The following ZDBF2 variants were observed in gnomAD, a reference collection of about 807,000 sequenced individuals.
The protein encoded by ZDBF2 is DBF4-type zinc finger-containing protein 2.
In ZDBF2, 6 loss-of-function variants were observed where a neutral mutation model predicts 9.4. That is an observed-to-expected ratio of 0.64 (90% CI 0.35 to 1.27). The LOEUF is 1.27. Ranked by LOEUF, ZDBF2 falls within the 50% of genes most tolerant of loss-of-function variation. ZDBF2 has a pLI of 0.03. For missense variants in ZDBF2, 2,697 were observed against 2,766.8 expected, an observed-to-expected ratio of 0.97 and a Z score of 0.57; for synonymous variants, 905 against 946.3, an observed-to-expected ratio of 0.96 and a Z score of 0.80.
intron 4 of ZDBF2, among the ~76,000 whole-genome samples, chr2:206,302,842 C>G (rs750179222): frequency 3.9e-5 from 6 of 151,990 alleles, no homozygotes; most frequent in Non-Finnish European, 8.8e-5. Context: ...TATGCATGTT[C>G]TCTTAGACAA....
In ZDBF2 at chr2:206,297,299, A is replaced by T; in HGVS notation, c.114A>T (p.Ile38=). ...RSLTRQSRRQ[I]CTSSLMERFL... ...TGACCAGACAGAGTAGACGTCAAAT[A>T]TGTACCAGTAGTTTGATGGAACGTT... Residue 38 remains isoleucine (I), a synonymous_variant, in exon 4 of 5, where the codon ATA becomes ATT. Coordinates refer to ENST00000374423, the MANE Select transcript of ZDBF2 (RefSeq NM_020923.3). 6.2e-7 allele frequency: 1 copy of T among 1,607,256 alleles called. No homozygotes were observed.
At position 206,305,504 on chromosome 2, in the gene ZDBF2, A is replaced by G. The variant is rs936154296; in HGVS notation, c.976A>G (p.Ile326Val). 1.9e-6 allele frequency: 3 copies of G among 1,613,332 alleles called. No individual in the cohort carries two copies. The highest frequency in any genetic ancestry group is 1.7e-4 in the Middle Eastern group (1 of 6,060). Residue 326 changes from isoleucine to valine, a missense_variant, in exon 5 of 5, where the codon ATT becomes GTT. By Grantham distance (29) the Ile-to-Val change is conservative (BLOSUM62 3). Transcript: ENST00000374423. ...TAATAAAGGAATCTTTGAAGATACT[A>G]TTGCAAAGAACCATGAGGAATTCTT... ...PSNKGIFEDT[I>V]AKNHEEFFSN...
rs1692914234 is a variant in ZDBF2 at position 206,308,022 on chromosome 2, G to A, written c.3494G>A (p.Gly1165Asp). ...YSCSEMNLDS[G>D]FLGQSIVNRP... ...TGTTCAGAAATGAATTTGGATTCTG[G>A]TTTCTTGGGTCAGTCAATAGTCAAT... is the stretch of plus-strand genomic sequence containing the variant. Residue 1165 changes from glycine (G) to aspartate (D), a missense_variant, in exon 5 of 5, where the codon GGT becomes GAT. Physicochemically the swap from Gly to Asp is moderately conservative, Grantham distance 94. Around this residue, in one of 3 missense-constraint regions of ZDBF2, gnomAD observed 1,783 missense variants for 1,776.5 expected, o/e 1.00. Transcript: ENST00000374423. 1 of 1,613,872 alleles carries A rather than the reference G, an allele frequency of 6.2e-7. No homozygotes were observed. Among genetic ancestry groups the A allele is most frequent in the South Asian group, 1.1e-5 (1 of 91,064 alleles).
chr2:206,283,638 T>A (rs1017617049), intron 3 of ZDBF2, among the ~76,000 whole-genome samples: 1 of 152,160 alleles, frequency 6.6e-6, no homozygotes, highest in African/African-American at 2.4e-5. Context: ...TTACAAATAC[T>A]TTCTCCATTC....
At chr2:206,300,476 C>T (rs1190438591) in intron 4 of ZDBF2, among the ~76,000 whole-genome samples, 3 of 152,068 alleles carry the variant, frequency 2.0e-5, no homozygotes, top group African/African-American at 7.2e-5. Flanking sequence ...TATGATTAAA[C>T]TTCGGTTATG....
chr2:206,283,358 G>T (rs145173826), intron 3 of ZDBF2, among the ~76,000 whole-genome samples: 52 of 152,040 alleles, frequency 3.4e-4, no homozygotes, highest in African/African-American at 1.2e-3. Flanking sequence ...CCACGTTCTT[G>T]TCAGCACTTG....
intron 2 of ZDBF2, among the ~76,000 whole-genome samples, chr2:206,281,053 G>C (rs1691290022): frequency 6.6e-6 from 1 of 152,136 alleles, no homozygotes; most frequent in Non-Finnish European, 1.5e-5. Context: ...TAAAAATTCT[G>C]AATCCTAGGC....
chr2:206,307,449 T>C lies in ZDBF2; in HGVS notation c.2921T>C (p.Ile974Thr), dbSNP rs1368812052. The C allele has an allele frequency of 6.8e-6, 11 of 1,611,880 alleles. No individual in the cohort carries two copies. Among genetic ancestry groups the C allele is most frequent in the African/African-American group, 1.3e-5 (1 of 74,768 alleles). The change falls in exon 5 of 5, where the codon ATT becomes ACT. Residue 974 changes from isoleucine (I) to threonine (T), a missense_variant. Transcript: ENST00000374423. Reference protein sequence around the residue: ...LQAATHKPEVIVKETWLQREK... With the variant: ...LQAATHKPEVTVKETWLQREK... Reference sequence around the variant, plus strand: ...GCAGCGACTCACAAACCTGAAGTAATTGTCAAAGAAACATGGCTTCAAAGA... The same window carrying C: ...GCAGCGACTCACAAACCTGAAGTAACTGTCAAAGAAACATGGCTTCAAAGA...
chr2:206,303,733 G>C lies in ZDBF2; in HGVS notation c.189-984G>C, dbSNP rs199907755. Among the ~76,000 whole-genome samples, 6 of 152,202 alleles carry C rather than the reference G, an allele frequency of 3.9e-5. No individual in the cohort carries two copies. In the East Asian group the frequency reaches 1.2e-3, roughly 29 times the overall value. ...CTAGAGGTAACACTTGACACCTCTAGACTTCTACAGTTGTATGTGCCATTC... is the reference window on the plus strand; with the variant it reads ...CTAGAGGTAACACTTGACACCTCTACACTTCTACAGTTGTATGTGCCATTC... On this transcript the variant is annotated intron_variant, in intron 4 of 4. Coordinates refer to ENST00000374423, the MANE Select transcript of ZDBF2 (RefSeq NM_020923.3).
At chr2:206,296,200 GA>G (rs1295401630) in intron 3 of ZDBF2, among the ~76,000 whole-genome samples, 1 of 152,104 alleles carries the variant, frequency 6.6e-6, no homozygotes, top group Non-Finnish European at 1.5e-5. Context: ...GATGTGGCTC[GA>G]AAATATTAAA....
Position 206,309,438 on chromosome 2 carries a change from C to T in ZDBF2, c.4910C>T (p.Thr1637Ile). 6.2e-7 allele frequency: 1 copy of T among 1,613,760 alleles called. No homozygotes were observed. Among genetic ancestry groups the T allele is most frequent in the Non-Finnish European group, 8.5e-7 (1 of 1,179,834 alleles). The part of the protein sequence containing the change: ...FNVDASDQSM[T>I]YESQGPDEKM... ...GTTGATGCCTCTGATCAGTCCATGA[C>T]TTACGAGTCACAAGGACCTGATGAG... is the stretch of plus-strand genomic sequence containing the variant. The change falls in exon 5 of 5, where the codon ACT (threonine) becomes ATT (isoleucine). Residue 1637 changes from threonine to isoleucine, a missense_variant. Physicochemically the swap from Thr to Ile is moderately conservative, Grantham distance 89. Transcript: ENST00000374423.
rs1181517907 is a variant in ZDBF2 at position 206,309,233 on chromosome 2, G to T, written c.4705G>T (p.Asp1569Tyr). The T allele has an allele frequency of 1.2e-6, 2 of 1,606,532 alleles. No individual in the cohort carries two copies. Among genetic ancestry groups the T allele is most frequent in the Admixed American group, 1.7e-5 (1 of 58,666 alleles). ...CAGCTGTATAAATACAGAATGTATT[G>T]ATATAGAAGATAAGAGCTGTGACTT... ...DISCINTECI[D>Y]IEDKSCDFFG... is the part of the protein sequence containing the mutation. The change falls in exon 5 of 5, where the codon GAT (aspartate) becomes TAT (tyrosine). Residue 1569 changes from aspartate to tyrosine, a missense_variant. Around this residue, in one of 3 missense-constraint regions of ZDBF2, gnomAD observed 1,783 missense variants for 1,776.5 expected, o/e 1.00. Coordinates refer to ENST00000374423, the MANE Select transcript of ZDBF2 (RefSeq NM_020923.3).
chr2:206,305,952 A>G lies in ZDBF2; in HGVS notation c.1424A>G (p.Gln475Arg). The part of the protein sequence containing the change: ...SQMIVKEISL[Q>R]NARHISLVDQ... ...ATGATTGTTAAAGAAATAAGTCTTC[A>G]GAATGCAAGGCATATTAGCCTGGTT... The change falls in exon 5 of 5, where the codon CAG (glutamine) becomes CGG (arginine). Residue 475 changes from glutamine (Q) to arginine (R), a missense_variant. This residue lies in a region of ZDBF2 where 910 missense variants were observed against 973.6 expected (regional missense o/e 0.93). Transcript: ENST00000374423. The G allele has an allele frequency of 6.2e-7, 1 of 1,613,456 alleles. No homozygotes were observed. Among genetic ancestry groups the G allele is most frequent in the Non-Finnish European group, 8.5e-7 (1 of 1,179,650 alleles).
At chr2:206,277,271 G>A (rs1464884039) in intron 1 of ZDBF2, among the ~76,000 whole-genome samples, 1 of 151,216 alleles carries the variant, frequency 6.6e-6, no homozygotes, top group East Asian at 1.9e-4. Flanking sequence ...GTTTACCTCT[G>A]CAGCTGGTGC....
At chr2:206,301,542 G>T (rs2105940285) in intron 4 of ZDBF2, among the ~76,000 whole-genome samples, 1 of 151,944 alleles carries the variant, frequency 6.6e-6, no homozygotes, top group African/African-American at 2.4e-5. Flanking sequence ...TTGTATTTGT[G>T]TATATGTGTG....
At chr2:206,296,073 A>G (rs1270972612) in intron 3 of ZDBF2, among the ~76,000 whole-genome samples, 1 of 152,220 alleles carries the variant, frequency 6.6e-6, no homozygotes, top group Non-Finnish European at 1.5e-5. Context: ...GAAAAATATA[A>G]GAATTTATAA....
In ZDBF2 at chr2:206,305,637, C is replaced by G. The variant is rs778584044; in HGVS notation, c.1109C>G (p.Ser370Cys). 6.2e-7 allele frequency: 1 copy of G among 1,613,576 alleles called. No homozygotes were observed. Among genetic ancestry groups the G allele is most frequent in the Non-Finnish European group, 8.5e-7 (1 of 1,179,800 alleles). The change falls in exon 5 of 5, where the codon TCT (serine) becomes TGT (cysteine). Residue 370 changes from serine (S) to cysteine (C), a missense_variant. By Grantham distance (112) the Ser-to-Cys change is moderately radical. Coordinates refer to ENST00000374423, the MANE Select transcript of ZDBF2 (RefSeq NM_020923.3). ...VSSEMKFDCI[S>C]LQSASDQPQE... ...TCTGAAATGAAGTTTGATTGTATCT[C>G]TCTTCAGTCAGCATCTGATCAGCCC... is the stretch of plus-strand genomic sequence containing the variant.
At chr2:206,277,766 A>G (rs115001599) in intron 1 of ZDBF2, among the ~76,000 whole-genome samples, 2,494 of 151,746 alleles carry the variant, frequency 0.016, 49 homozygotes, top group African/African-American at 0.041. Flanking sequence ...CCATACTAAA[A>G]ATACCAATGA....
chr2:206,307,664 A>G lies in ZDBF2; in HGVS notation c.3136A>G (p.Asn1046Asp), dbSNP rs1205426113. 3 of 1,612,680 alleles carry G rather than the reference A, an allele frequency of 1.9e-6. No homozygotes were observed. Among genetic ancestry groups the G allele is most frequent in the African/African-American group, 2.7e-5 (2 of 74,862 alleles). Residue 1046 changes from asparagine (N) to aspartate (D), a missense_variant, in exon 5 of 5, where the codon AAT (asparagine) becomes GAT (aspartate). Coordinates refer to ENST00000374423, the MANE Select transcript of ZDBF2 (RefSeq NM_020923.3). ...TGGTTCTGAAATAATTTTGGATTCT[A>G]ATGTTCCACCTCAGTCAATGACTGA... ...CSGSEIILDSNVPPQSMTDQP... is the reference protein window; with the variant it reads ...CSGSEIILDSDVPPQSMTDQP...
Sources: allele counts gnomAD v4.1 joint callset (sites outside exome capture counted in the v4.1 genomes callset), GRCh38; gene constraint gnomAD v4.1.1; regional missense constraint gnomAD v4.1.1; transcripts MANE v1.5; gene names NCBI Gene and HGNC (gene_info 2026-07-23, HGNC 2026-07-21).